The following TBC1D1 variants were observed in gnomAD, a reference collection of about 807,000 sequenced individuals.
The protein encoded by TBC1D1 is TBC1 (tre-2/USP6, BUB2, cdc16) domain family, member 1.
In TBC1D1, 89 loss-of-function variants were observed where a neutral mutation model predicts 125.6. The ratio of observed to expected loss-of-function variants is 0.71; its 90% CI spans 0.60 to 0.85. The LOEUF (loss-of-function observed/expected upper bound fraction) is 0.85, where lower values mean the gene tolerates loss of function less well. TBC1D1 is among the 40% of genes least tolerant of loss of function. TBC1D1 has a pLI of 0.00. For missense variants in TBC1D1, 1,377 were observed against 1,469.2 expected (o/e 0.94, Z 1.03); for synonymous variants, 565 against 564.1 (o/e 1.00, Z -0.02).
rs181889203 is a variant in TBC1D1 at position 37,965,544 on chromosome 4, T to A, written c.418-48965T>A. 6.8e-4 allele frequency among the ~76,000 whole-genome samples: 104 copies of A among 152,190 alleles called. No individual in the cohort carries two copies. In the Middle Eastern group the frequency reaches 0.01, roughly 15 times the overall value. ...GGTACCTTGAAGTGGAGGGAGGTGA[T>A]CCCTGCACTGAGTTGGCATTCTTTT... On this transcript the variant is annotated intron_variant, in intron 2 of 19. Coordinates refer to ENST00000261439, the MANE Select transcript of TBC1D1 (RefSeq NM_015173.4).
chr4:37,931,441 G>A (rs1465100959), intron 2 of TBC1D1, among the ~76,000 whole-genome samples: 1 of 152,022 alleles, frequency 6.6e-6, no homozygotes, highest in East Asian at 1.9e-4. Flanking sequence ...AAATTCCTGA[G>A]AATGAAGAAC....
intron 17 of TBC1D1, among the ~76,000 whole-genome samples, chr4:38,119,702 C>T (rs547106321): frequency 3.3e-5 from 5 of 152,326 alleles, no homozygotes; most frequent in Admixed American, 3.3e-4. Context: ...TACATTTTCT[C>T]CACATTTTAG....
chr4:38,130,086 T>C (rs900879732), intron 18 of TBC1D1, among the ~76,000 whole-genome samples: 2 of 152,252 alleles, frequency 1.3e-5, no homozygotes, highest in Admixed American at 6.5e-5. Flanking sequence ...TTGTCACTTA[T>C]AATAACAGAA....
chr4:37,960,671 A>G, intron 2 of TBC1D1: 1 of 1,614,242 alleles, frequency 6.2e-7, no homozygotes, highest in African/African-American at 1.3e-5. Context: ...AGACCAATGG[A>G]CCCAGAAAAC....
At chr4:38,130,611 G>C (rs1385384373) in intron 18 of TBC1D1, among the ~76,000 whole-genome samples, 1 of 152,204 alleles carries the variant, frequency 6.6e-6, no homozygotes, top group Non-Finnish European at 1.5e-5. Flanking sequence ...ATGAGAGCCA[G>C]TCCCCCTTGC....
intron 2 of TBC1D1, among the ~76,000 whole-genome samples, chr4:37,915,567 A>G (rs1409042027): frequency 6.6e-6 from 1 of 152,152 alleles, no homozygotes; most frequent in Non-Finnish European, 1.5e-5. Flanking sequence ...TATATACTTT[A>G]ACATTGGGGA....
chr4:38,102,487 C>G (rs1760539518), intron 14 of TBC1D1, among the ~76,000 whole-genome samples: 1 of 151,500 alleles, frequency 6.6e-6, no homozygotes, highest in African/African-American at 2.4e-5. Context: ...GAGGAAGGGG[C>G]CAGGGAAGTG....
chr4:38,114,042 TACACACACACACAC>T, intron 15 of TBC1D1, among the ~76,000 whole-genome samples: 1 of 144,146 alleles, frequency 6.9e-6, no homozygotes, highest in African/African-American at 2.5e-5. Context: ...CCCATTGTTC[TACACACACACACAC>T]ACACACACCT....
At chr4:37,988,081 G>A (rs1735818468) in intron 2 of TBC1D1, among the ~76,000 whole-genome samples, 1 of 152,210 alleles carries the variant, frequency 6.6e-6, no homozygotes, top group Non-Finnish European at 1.5e-5. Flanking sequence ...CCATCAGGTA[G>A]CCTTGTTTGG....
chr4:38,022,172 T>C (rs1230072965), intron 6 of TBC1D1, among the ~76,000 whole-genome samples: 2 of 151,712 alleles, frequency 1.3e-5, no homozygotes, highest in Non-Finnish European at 2.9e-5. Context: ...CAGGTTGCAG[T>C]TGAGGAGCAA....
intron 17 of TBC1D1, among the ~76,000 whole-genome samples, chr4:38,122,419 C>T (rs1764004916): frequency 6.7e-6 from 1 of 149,728 alleles, no homozygotes; most frequent in South Asian, 2.1e-4. Flanking sequence ...ACAACCAGTG[C>T]CCCTGCCTTG....
intron 2 of TBC1D1, among the ~76,000 whole-genome samples, chr4:37,973,705 C>G (rs149160177): frequency 3.9e-5 from 6 of 152,190 alleles, no homozygotes; most frequent in Non-Finnish European, 7.3e-5. Context: ...CTCTCTAGGT[C>G]GCTCTCTAGC....
chr4:37,947,889 A>C (rs572959011), intron 2 of TBC1D1, among the ~76,000 whole-genome samples: 3 of 152,298 alleles, frequency 2.0e-5, no homozygotes, highest in Non-Finnish European at 2.9e-5. Flanking sequence ...TCATTGTAAA[A>C]AAAAAAAAGT....
intron 9 of TBC1D1, among the ~76,000 whole-genome samples, chr4:38,045,481 C>T (rs1376321626): frequency 2.0e-5 from 3 of 152,124 alleles, no homozygotes; most frequent in Non-Finnish European, 4.4e-5. Context: ...TGCGGCTGGC[C>T]GTTATGATGA....
chr4:37,957,009 C>T (rs970841836), intron 2 of TBC1D1, among the ~76,000 whole-genome samples: 3 of 151,990 alleles, frequency 2.0e-5, no homozygotes, highest in Non-Finnish European at 2.9e-5. Flanking sequence ...ATGCATGCCA[C>T]GGTGAAACTT....
intron 12 of TBC1D1, among the ~76,000 whole-genome samples, chr4:38,078,152 A>G (rs1755921862): frequency 6.6e-6 from 1 of 152,220 alleles, no homozygotes; most frequent in Non-Finnish European, 1.5e-5. Flanking sequence ...GAGCCAGAGT[A>G]CTTGGTGACT....
intron 12 of TBC1D1, among the ~76,000 whole-genome samples, chr4:38,075,391 C>T (rs1403566330): frequency 1.3e-5 from 2 of 152,318 alleles, no homozygotes; most frequent in East Asian, 3.9e-4. Context: ...AAGTATGCTA[C>T]TTCCCAAGTT....
chr4:38,023,263 A>G (rs975583542), intron 6 of TBC1D1, among the ~76,000 whole-genome samples: 6 of 151,208 alleles, frequency 4.0e-5, no homozygotes, highest in East Asian at 1.9e-4. Context: ...AAAAAAAGGA[A>G]TATTTATTAT....
At position 38,104,390 on chromosome 4, in the gene TBC1D1, C is replaced by T. The variant is rs560631357; in HGVS notation, c.2557+1233C>T. ...GTGATTATGATGCACAGAGGGCCCT[C>T]CTGACTTGTCAGTGGCCATGCACAG... On this transcript the variant is annotated intron_variant, in intron 15 of 19. Coordinates refer to ENST00000261439, the MANE Select transcript of TBC1D1 (RefSeq NM_015173.4). Among the ~76,000 whole-genome samples the T allele has an allele frequency of 5.9e-5, 9 of 152,306 alleles. No homozygotes were observed. In the South Asian group the frequency reaches 1.2e-3, roughly 21 times the overall value.
Sources: gnomAD v4.1 joint callset for allele counts (sites outside exome capture counted in the v4.1 genomes callset) on GRCh38, gnomAD v4.1.1 for gene constraint, MANE v1.5 for transcripts, NCBI Gene and HGNC (gene_info 2026-07-23, HGNC 2026-07-21) for gene names.